ANK1: variants seen among roughly 807,000 people sequenced by gnomAD.
ANK1 encodes the protein ankyrin 1.
Under a neutral mutation model 210.4 loss-of-function variants are expected in ANK1, and 51 were observed. The observed-to-expected ratio is 0.24, with a 90% CI of 0.19 to 0.31. The LOEUF is 0.31. Among genes scored for constraint, ANK1 ranks in the 10% least tolerant of loss-of-function variants. ANK1 has a pLI of 1.00. For missense variants in ANK1, 2,051 were observed against 2,504.4 expected (o/e 0.82, Z 3.86); for synonymous variants, 967 against 1,025.9 (o/e 0.94, Z 1.10).
chr8:41,785,159 A>C (rs1238031186), intron 1 of ANK1, among the ~76,000 whole-genome samples: 4 of 152,108 alleles, frequency 2.6e-5, no homozygotes, highest in Non-Finnish European at 5.9e-5. Context: ...GGAGTTCAAG[A>C]CCAGCCTGGG....
At chr8:41,894,741 A>G (rs1820125342) in intron 1 of ANK1, among the ~76,000 whole-genome samples, 1 of 152,128 alleles carries the variant, frequency 6.6e-6, no homozygotes, top group African/African-American at 2.4e-5. Context: ...AGAAGTTCAC[A>G]TTCACGCCAA....
At chr8:41,701,242 A>T (rs1822694645) in intron 22 of ANK1, among the ~76,000 whole-genome samples, 1 of 152,266 alleles carries the variant, frequency 6.6e-6, no homozygotes, top group Non-Finnish European at 1.5e-5. Context: ...CATGGTGCGG[A>T]GACTTGATCT....
intron 1 of ANK1, among the ~76,000 whole-genome samples, chr8:41,795,070 T>C (rs937158338): frequency 6.6e-6 from 1 of 152,344 alleles, no homozygotes; most frequent in Middle Eastern, 3.4e-3. Flanking sequence ...AAAACACTCT[T>C]ATTTTCTCTG....
chr8:41,715,526 G>A (rs992410930), intron 14 of ANK1, 126 bp downstream of exon 14: 17 of 1,249,976 alleles, frequency 1.4e-5, no homozygotes, highest in African/African-American at 4.5e-5. Flanking sequence ...TGAGTGTGAC[G>A]ACCCTTCCAG....
At chr8:41,729,045 G>T (rs999977329) in intron 3 of ANK1, among the ~76,000 whole-genome samples, 1 of 152,172 alleles carries the variant, frequency 6.6e-6, no homozygotes, top group South Asian at 2.1e-4. Context: ...GCAGTGGAGC[G>T]GACAAAGAGA....
chr8:41,718,907 G>A (rs80120156), intron 10 of ANK1, among the ~76,000 whole-genome samples: 30,887 of 152,232 alleles, frequency 0.2, 4,037 homozygotes, highest in South Asian at 0.27. Context: ...CAACAGTCCT[G>A]AGGCTGGGAA....
intron 1 of ANK1, among the ~76,000 whole-genome samples, chr8:41,835,402 AGATC>A (rs1355016488): frequency 6.6e-6 from 1 of 152,166 alleles, no homozygotes; most frequent in East Asian, 1.9e-4. Flanking sequence ...CAGTGAGCTG[AGATC>A]GTATTATTGC....
intron 13 of ANK1, among the ~76,000 whole-genome samples, chr8:41,716,511 G>T (rs1827718042): frequency 6.6e-6 from 1 of 152,078 alleles, no homozygotes; most frequent in African/African-American, 2.4e-5. Context: ...CCTGCTGTTG[G>T]CCGAGTGAGC....
At chr8:41,886,481 C>T (rs976757185) in intron 1 of ANK1, among the ~76,000 whole-genome samples, 10 of 152,210 alleles carry the variant, frequency 6.6e-5, no homozygotes, top group African/African-American at 2.4e-4. Flanking sequence ...ATTACTGCTT[C>T]CTGACGCATG....
chr8:41,787,838 C>A (rs1187032259), intron 1 of ANK1, among the ~76,000 whole-genome samples: 1 of 150,118 alleles, frequency 6.7e-6, no homozygotes, highest in Non-Finnish European at 1.5e-5. Flanking sequence ...GGCAGGCAGG[C>A]AGGAAGGAAG....
intron 39 of ANK1, 88 bp from the exon 40 acceptor site, chr8:41,663,830 G>T: frequency 9.7e-7 from 1 of 1,029,830 alleles, no homozygotes; most frequent in Non-Finnish European, 1.5e-6. Flanking sequence ...AACAGCAGTA[G>T]CCACAATAGC....
intron 31 of ANK1, 116 bp from the exon 32 acceptor site, chr8:41,690,715 C>T (rs910881858): frequency 4.0e-5 from 58 of 1,458,092 alleles, no homozygotes; most frequent in Middle Eastern, 2.1e-4. Context: ...AAGAGGCATG[C>T]GGGTGTGTGC....
intron 33 of ANK1, 60 bp from the exon 34 acceptor site, chr8:41,688,649 G>A: frequency 6.8e-7 from 1 of 1,476,732 alleles, no homozygotes. Context: ...CAGAGAAAGT[G>A]ATCTGAGCTC....
At chr8:41,872,361 A>C (rs1487343833) in intron 1 of ANK1, among the ~76,000 whole-genome samples, 1 of 152,188 alleles carries the variant, frequency 6.6e-6, no homozygotes, top group Non-Finnish European at 1.5e-5. Context: ...CCCTAAGGCG[A>C]GGCCTCTGTG....
chr8:41,760,782 G>A (rs932518862), intron 1 of ANK1, among the ~76,000 whole-genome samples: 1 of 152,104 alleles, frequency 6.6e-6, no homozygotes, highest in African/African-American at 2.4e-5. Flanking sequence ...GAGTTGAAAG[G>A]GTGAGAGTGG....
chr8:41,784,040 A>G (rs371323499), intron 1 of ANK1, among the ~76,000 whole-genome samples: 5 of 140,096 alleles, frequency 3.6e-5, no homozygotes, highest in African/African-American at 1.3e-4. Flanking sequence ...ACTTGGTGGC[A>G]TCGCAAGACC....
chr8:41,732,227 C>A (rs114191111), intron 3 of ANK1, among the ~76,000 whole-genome samples: 2,057 of 151,978 alleles, frequency 0.014, 48 homozygotes, highest in African/African-American at 0.048. Context: ...CTGTTTGCTG[C>A]ATGGAACTGA....
In ANK1 at chr8:41,663,114, C is replaced by CTCTCTCTGTGTG. The variant is rs1554517870; in HGVS notation, c.5478+544_5478+545insCACACAGAGAGA. On this transcript the variant is annotated intron_variant, in intron 40 of 42. Coordinates refer to ENST00000289734, the MANE Select transcript of ANK1 (RefSeq NM_000037.4). The stretch of plus-strand genomic sequence containing the variant: ...TGTGTGTGTGTCTCTCTCTCTCTCT[C>CTCTCTCTGTGTG]TGTGTGTGTGTGTGTGTGTGTGTGT... 2.8e-5 allele frequency among the ~76,000 whole-genome samples: 4 copies of CTCTCTCTGTGTG among 145,236 alleles called. No homozygotes were observed. In the East Asian group the frequency reaches 8.2e-4, roughly 30 times the overall value.
chr8:41,761,496 G>A (rs1360673707), intron 1 of ANK1, among the ~76,000 whole-genome samples: 2 of 152,344 alleles, frequency 1.3e-5, no homozygotes, highest in South Asian at 4.1e-4. Flanking sequence ...ACCTCTGGGA[G>A]GTGGAGGCTC....
Sources: allele counts gnomAD v4.1 joint callset (sites outside exome capture counted in the v4.1 genomes callset), GRCh38; gene constraint gnomAD v4.1.1; transcripts MANE v1.5; gene names NCBI Gene and HGNC (gene_info 2026-07-23, HGNC 2026-07-21).